THRB: variants seen among roughly 807,000 people sequenced by gnomAD.
The protein encoded by THRB is nuclear receptor subfamily 1 group A member 2.
In THRB, 12 loss-of-function variants were observed where a neutral mutation model predicts 47.8. That is an observed-to-expected ratio of 0.25 (90% confidence interval 0.16 to 0.41). The LOEUF (loss-of-function observed/expected upper bound fraction) is 0.41. THRB is among the 10% of genes least tolerant of loss of function. THRB has a pLI of 1.00. For synonymous variants in THRB, 218 were observed against 212.2 expected (o/e 1.03, Z -0.24); for missense variants, 348 against 589.2 (o/e 0.59, Z 4.24).
rs10530553 is a variant in THRB at position 24,158,841 on chromosome 3, CCTCTCTCTCT to C, written c.284-6361_284-6352del. Among the ~76,000 whole-genome samples the C allele has an allele frequency of 5.2e-3, 761 of 147,536 alleles. 3 individuals carry two copies. The highest frequency in any genetic ancestry group is 0.017 in the African/African-American group (670 of 40,542). On this transcript the variant is annotated intron_variant, in intron 5 of 10. Coordinates refer to ENST00000646209, the MANE Select transcript of THRB (RefSeq NM_001354712.2). ...AAGCAGCCATTGTAAGACAGCTCTT[CCTCTCTCTCT>C]CTCTCTCTCTCTCTCTCTCTCGCAT...
intron 2 of THRB, among the ~76,000 whole-genome samples, chr3:24,322,958 T>A (rs754305517): frequency 9.2e-5 from 14 of 152,164 alleles, no homozygotes; most frequent in Non-Finnish European, 1.8e-4. Flanking sequence ...TCGGTACAGA[T>A]ACAGAGCTCA....
intron 1 of THRB, among the ~76,000 whole-genome samples, chr3:24,425,765 C>T (rs2069696206): frequency 6.6e-6 from 1 of 151,858 alleles, no homozygotes; most frequent in East Asian, 1.9e-4. Flanking sequence ...ACAGAAAGCC[C>T]AAGTCCTGGC....
At chr3:24,288,831 G>A (rs2055614879) in intron 3 of THRB, among the ~76,000 whole-genome samples, 1 of 152,188 alleles carries the variant, frequency 6.6e-6, no homozygotes, top group Non-Finnish European at 1.5e-5. Context: ...CGTTTCTTAA[G>A]AGTTAGGATT....
intron 5 of THRB, among the ~76,000 whole-genome samples, chr3:24,175,050 CTT>C (rs1437791230): frequency 6.6e-6 from 1 of 152,192 alleles, no homozygotes; most frequent in African/African-American, 2.4e-5. Context: ...CATCTGTCCT[CTT>C]TGATGAGTCC....
rs547559006 is a variant in THRB at position 24,207,233 on chromosome 3, G to T, written c.23-16899C>A. ...ACCAATATCCCTGATGAACATTGATGCAAAAATCCTCAATAAAATACGGGC... is the reference window on the plus strand; with the variant it reads ...ACCAATATCCCTGATGAACATTGATTCAAAAATCCTCAATAAAATACGGGC... On this transcript the variant is annotated intron_variant, in intron 4 of 10. Transcript: ENST00000646209. Among the ~76,000 whole-genome samples, 36 of 152,284 alleles carry T rather than the reference G, an allele frequency of 2.4e-4. 1 individual carries two copies. In the South Asian group the frequency reaches 6.7e-3, roughly 28 times the overall value.
At chr3:24,380,780 A>G (rs1180129462) in intron 1 of THRB, among the ~76,000 whole-genome samples, 2 of 152,188 alleles carry the variant, frequency 1.3e-5, no homozygotes, top group African/African-American at 2.4e-5. Context: ...AAGAAGACTG[A>G]ATCCAAAAGG....
intron 1 of THRB, chr3:24,458,932 T>A (rs2073435484): frequency 6.6e-6 from 1 of 151,140 alleles, no homozygotes; most frequent in Admixed American, 6.6e-5. Context: ...CTGATATTTA[T>A]GTATTTATTA....
intron 5 of THRB, among the ~76,000 whole-genome samples, chr3:24,171,589 A>G (rs904415565): frequency 6.6e-6 from 1 of 151,700 alleles, no homozygotes; most frequent in Non-Finnish European, 1.5e-5. Context: ...GCCGTGACCC[A>G]CTCCTGCTTT....
chr3:24,471,260 AGACT>A (rs1358466961), intron 1 of THRB, among the ~76,000 whole-genome samples: 1 of 152,208 alleles, frequency 6.6e-6, no homozygotes, highest in Non-Finnish European at 1.5e-5. Context: ...GTTCCACCCT[AGACT>A]GACTGAATCA....
chr3:24,274,986 T>C (rs1033199481), intron 3 of THRB, among the ~76,000 whole-genome samples: 1 of 152,192 alleles, frequency 6.6e-6, no homozygotes, highest in Non-Finnish European at 1.5e-5. Flanking sequence ...TTCATCTATT[T>C]TTCCTTATCT....
intron 2 of THRB, among the ~76,000 whole-genome samples, chr3:24,332,382 T>C (rs933563174): frequency 3.3e-5 from 5 of 152,188 alleles, no homozygotes; most frequent in African/African-American, 1.2e-4. Flanking sequence ...AAATAAACCT[T>C]TGTCTGTTTA....
intron 5 of THRB, among the ~76,000 whole-genome samples, chr3:24,169,285 A>G (rs1477616074): frequency 6.6e-6 from 1 of 152,160 alleles, no homozygotes; most frequent in Non-Finnish European, 1.5e-5. Flanking sequence ...TAGGAAACTT[A>G]AAAGACACAT....
rs535583329 is a variant in THRB, at chr3:24,298,974, G to A, written c.-188-1603C>T. Among the ~76,000 whole-genome samples, 38 of 152,088 alleles carry A rather than the reference G, an allele frequency of 2.5e-4. No individual in the cohort carries two copies. The South Asian group carries it at 7.9e-3, about 32-fold the overall frequency. On this transcript the variant is annotated intron_variant, in intron 2 of 10. Transcript: ENST00000646209. ...CTTAGAAAAGTAATTCAGGCCGGGC[G>A]CGGTGGCTCATGCCTGTAATCCCAG...
intron 8 of THRB, among the ~76,000 whole-genome samples, chr3:24,137,854 C>T (rs2034885291): frequency 1.3e-5 from 2 of 152,036 alleles, no homozygotes; most frequent in Non-Finnish European, 2.9e-5. Flanking sequence ...GGCTGAAGTG[C>T]ACTATGGGGA....
At chr3:24,175,224 G>A (rs1363932192) in intron 5 of THRB, among the ~76,000 whole-genome samples, 2 of 152,178 alleles carry the variant, frequency 1.3e-5, no homozygotes, top group African/African-American at 4.8e-5. Context: ...AAGTTTTCAA[G>A]TAATGGGTTG....
chr3:24,451,778 C>T (rs1341204122), intron 1 of THRB, among the ~76,000 whole-genome samples: 1 of 152,186 alleles, frequency 6.6e-6, no homozygotes, highest in Non-Finnish European at 1.5e-5. Context: ...CCAATAAGCA[C>T]AAAGCTGACC....
chr3:24,483,828 A>G (rs962809118), intron 1 of THRB: 5 of 152,292 alleles, frequency 3.3e-5, no homozygotes, highest in Non-Finnish European at 7.3e-5. Flanking sequence ...TTTCCACAGT[A>G]CAGACACATT....
At chr3:24,425,569 TTAA>T (rs2069677655) in intron 1 of THRB, among the ~76,000 whole-genome samples, 2 of 151,996 alleles carry the variant, frequency 1.3e-5, no homozygotes, top group Admixed American at 6.6e-5. Context: ...CAATTTATTA[TTAA>T]TAAGAACTAT....
chr3:24,212,543 A>T (rs1372135973), intron 4 of THRB, among the ~76,000 whole-genome samples: 2 of 138,708 alleles, frequency 1.4e-5, no homozygotes, highest in African/African-American at 5.4e-5. Context: ...GCACCATTGC[A>T]CTCCAGCCTG....
Sources: gnomAD v4.1 joint callset for allele counts (sites outside exome capture counted in the v4.1 genomes callset) on GRCh38, gnomAD v4.1.1 for gene constraint, MANE v1.5 for transcripts, NCBI Gene and HGNC (gene_info 2026-07-23, HGNC 2026-07-21) for gene names.